Variants in SPATA6 observed in about 807,000 individuals in gnomAD.
The protein encoded by SPATA6 is spermatogenesis-associated protein 6.
SPATA6 carries 56 observed loss-of-function variants against 65.3 expected under a neutral mutation model. The observed-to-expected ratio is 0.86, with a 90% CI of 0.69 to 1.07. The LOEUF (loss-of-function observed/expected upper bound fraction) is 1.07, where lower values mean the gene tolerates loss of function less well. Ranked by LOEUF, SPATA6 falls within the 50% of genes least tolerant of loss-of-function variation. The pLI, the probability that SPATA6 is intolerant of heterozygous loss-of-function variation, is 0.00. For synonymous variants in SPATA6, 199 were observed against 213.2 expected, an observed-to-expected ratio of 0.93 and a Z score of 0.58; for missense variants, 590 against 594.8, an observed-to-expected ratio of 0.99 and a Z score of 0.08.
chr1:48,298,825 G>A lies in SPATA6; in HGVS notation c.1355C>T (p.Ser452Phe). 6.2e-7 allele frequency: 1 copy of A among 1,613,938 alleles called. No homozygotes were observed. The highest frequency in any genetic ancestry group is 8.5e-7 in the Non-Finnish European group (1 of 1,179,920). Residue 452 changes from serine to phenylalanine, a missense_variant, in exon 13 of 13, where the codon TCT (serine) becomes TTT (phenylalanine). Coordinates refer to ENST00000371847, the MANE Select transcript of SPATA6 (RefSeq NM_019073.4). ...GGGTCGGTGGGATTTTCCCTTATAA[G>A]AGGCTGCCCTGTTGGACCAGTATTC... The part of the protein sequence containing the change: ...DGEYWSNRAA[S>F]YKGKSHRPIF...
chr1:48,381,648 C>CTTTTT (rs36045284), intron 9 of SPATA6, among the ~76,000 whole-genome samples: 47 of 112,374 alleles, frequency 4.2e-4, no homozygotes, highest in African/African-American at 1.5e-3. Context: ...TATGGTTTTT[C>CTTTTT]TTTTTTTTTT....
At chr1:48,346,688 C>T (rs565061175) in intron 11 of SPATA6, among the ~76,000 whole-genome samples, 27 of 152,020 alleles carry the variant, frequency 1.8e-4, no homozygotes, top group African/African-American at 5.8e-4. Flanking sequence ...AAGCTGAGGG[C>T]CAAGTCAGGA....
At chr1:48,325,734 C>T in intron 11 of SPATA6, 1 of 523,484 alleles carries the variant, frequency 1.9e-6, no homozygotes, top group Non-Finnish European at 3.7e-6. Context: ...GGCAATGGCC[C>T]AAGTATCTCG....
chr1:48,376,817 T>C (rs1284391671), intron 9 of SPATA6, among the ~76,000 whole-genome samples: 5 of 152,184 alleles, frequency 3.3e-5, no homozygotes, highest in Non-Finnish European at 5.9e-5. Context: ...GTACCTAGGC[T>C]ACAAACCTGT....
intron 9 of SPATA6, among the ~76,000 whole-genome samples, chr1:48,373,528 T>A (rs1456457903): frequency 6.6e-6 from 1 of 152,216 alleles, no homozygotes; most frequent in African/African-American, 2.4e-5. Context: ...CCTCTGCCTG[T>A]TACCCAGTTC....
At chr1:48,355,094 AAC>A (rs1646621188) in intron 11 of SPATA6, among the ~76,000 whole-genome samples, 1 of 152,156 alleles carries the variant, frequency 6.6e-6, no homozygotes, top group Non-Finnish European at 1.5e-5. Flanking sequence ...CAAGGGATCA[AAC>A]ACATAAAAAA....
At chr1:48,394,125 C>T (rs1371347084) in intron 8 of SPATA6, among the ~76,000 whole-genome samples, 1 of 152,040 alleles carries the variant, frequency 6.6e-6, no homozygotes, top group African/African-American at 2.4e-5. Context: ...TATGGCAATC[C>T]TTTGTACTAC....
chr1:48,277,960 G>A, the SPATA6 span, among the ~76,000 whole-genome samples: 1 of 152,158 alleles, frequency 6.6e-6, no homozygotes, highest in African/African-American at 2.4e-5. Context: ...ACCTCACATG[G>A]CCAGGTACTC....
At chr1:48,436,057 T>C (rs1466055895) in intron 3 of SPATA6, 12 of 1,609,194 alleles carry the variant, frequency 7.5e-6, no homozygotes, top group Non-Finnish European at 8.5e-6. Flanking sequence ...CCATCAATAC[T>C]TGGTTGATGA....
At chr1:48,281,280 G>A in the SPATA6 span, among the ~76,000 whole-genome samples, 1 of 150,832 alleles carries the variant, frequency 6.6e-6, no homozygotes, top group Non-Finnish European at 1.5e-5. Flanking sequence ...GCACAAGACA[G>A]GGATGCCCTC....
chr1:48,261,634 G>A, the SPATA6 span, among the ~76,000 whole-genome samples: 1 of 152,140 alleles, frequency 6.6e-6, no homozygotes, highest in South Asian at 2.1e-4. Flanking sequence ...AGACCATCCT[G>A]CAGAGACTTT....
intron 3 of SPATA6, among the ~76,000 whole-genome samples, chr1:48,419,302 T>C (rs569424973): frequency 6.6e-6 from 1 of 152,334 alleles, no homozygotes; most frequent in East Asian, 1.9e-4. Flanking sequence ...CAAACCTGTG[T>C]TCTTTTCACT....
rs548860899 is a variant in SPATA6 at position 48,319,987 on chromosome 1, T to A, written c.1195-14109A>T. Reference sequence around the variant, plus strand: ...AGAAAAAGGCACCCCTGCCTTAGTGTCATGCCCCCAGTGCAGCCACCCTTC... The same window carrying A: ...AGAAAAAGGCACCCCTGCCTTAGTGACATGCCCCCAGTGCAGCCACCCTTC... On this transcript the variant is annotated intron_variant, in intron 11 of 12. Transcript: ENST00000371847. Among the ~76,000 whole-genome samples, 13 of 152,286 alleles carry A rather than the reference T, an allele frequency of 8.5e-5. No homozygotes were observed. In the South Asian group the frequency reaches 1.7e-3, roughly 19 times the overall value.
chr1:48,283,678 CAAAA>C, the SPATA6 span, among the ~76,000 whole-genome samples: 17 of 60,804 alleles, frequency 2.8e-4, no homozygotes, highest in African/African-American at 7.9e-4. Flanking sequence ...GACTCCGTCT[CAAAA>C]AAAAAAAAAA....
At chr1:48,458,947 T>C (rs1657207250) in intron 1 of SPATA6, among the ~76,000 whole-genome samples, 1 of 152,164 alleles carries the variant, frequency 6.6e-6, no homozygotes, top group African/African-American at 2.4e-5. Context: ...GGCTCACACC[T>C]GTAATCCCAG....
At chr1:48,289,288 C>T in the SPATA6 span, among the ~76,000 whole-genome samples, 3 of 152,232 alleles carry the variant, frequency 2.0e-5, no homozygotes, top group African/African-American at 7.2e-5. Context: ...AGGGTCCTGA[C>T]TGTTTGAAGG....
chr1:48,275,177 GC>G, the SPATA6 span, among the ~76,000 whole-genome samples: 1 of 152,066 alleles, frequency 6.6e-6, no homozygotes, highest in African/African-American at 2.4e-5. Flanking sequence ...TGTAATTTTT[GC>G]ACATTGATTT....
intron 11 of SPATA6, among the ~76,000 whole-genome samples, chr1:48,346,090 T>C (rs752018475): frequency 6.6e-6 from 1 of 151,988 alleles, no homozygotes; most frequent in Non-Finnish European, 1.5e-5. Flanking sequence ...AACAAAATAC[T>C]AGAAAACTGA....
chr1:48,363,783 T>G (rs912294791), intron 9 of SPATA6, among the ~76,000 whole-genome samples: 1 of 151,498 alleles, frequency 6.6e-6, no homozygotes, highest in African/African-American at 2.4e-5. Flanking sequence ...GCCTTTTTTC[T>G]TTTTTTATTT....
Sources: gnomAD v4.1 joint callset for allele counts (sites outside exome capture counted in the v4.1 genomes callset) on GRCh38, gnomAD v4.1.1 for gene constraint, MANE v1.5 for transcripts, NCBI Gene and HGNC (gene_info 2026-07-23, HGNC 2026-07-21) for gene names.